The following CNTNAP2 variants were observed in gnomAD, a reference collection of about 807,000 sequenced individuals.
The protein encoded by CNTNAP2 is contactin associated protein 2.
CNTNAP2 carries 98 observed loss-of-function variants against 155.2 expected under a neutral mutation model. The ratio of observed to expected loss-of-function variants is 0.63; its 90% CI spans 0.54 to 0.75. CNTNAP2 has a LOEUF of 0.75. CNTNAP2 is among the 30% of genes least tolerant of loss of function. The probability of loss-of-function intolerance (pLI) is 0.00; values close to 1 mark genes in which losing one functional copy is unlikely to be tolerated. For missense variants in CNTNAP2, 1,727 were observed against 1,688.1 expected, an observed-to-expected ratio of 1.02 and a Z score of -0.40; for synonymous variants, 651 against 631.2, an observed-to-expected ratio of 1.03 and a Z score of -0.47.
intron 14 of CNTNAP2, among the ~76,000 whole-genome samples, chr7:147,954,383 G>A (rs1290247397): frequency 6.6e-6 from 1 of 151,950 alleles, no homozygotes; most frequent in Admixed American, 6.6e-5. Context: ...ATGTTTTTAT[G>A]TGAGTAGAAG....
At chr7:146,837,312 AATG>A (rs1033417990) in intron 2 of CNTNAP2, among the ~76,000 whole-genome samples, 86 of 152,146 alleles carry the variant, frequency 5.7e-4, no homozygotes, top group African/African-American at 1.8e-3. Flanking sequence ...ATTCTAGTAC[AATG>A]ATGTTTTCTT....
intron 1 of CNTNAP2, among the ~76,000 whole-genome samples, chr7:146,216,491 T>C (rs1562993331): frequency 6.6e-6 from 1 of 152,188 alleles, no homozygotes; most frequent in South Asian, 2.1e-4. Context: ...TGTTCCTTTT[T>C]CTTTGCACTC....
At chr7:146,450,774 CT>C (rs1563088688) in intron 1 of CNTNAP2, among the ~76,000 whole-genome samples, 1 of 151,916 alleles carries the variant, frequency 6.6e-6, no homozygotes, top group East Asian at 1.9e-4. Flanking sequence ...AATTTTTTTC[CT>C]CTTGGAAAAT....
chr7:147,558,987 T>C (rs1800006729), intron 11 of CNTNAP2, among the ~76,000 whole-genome samples: 1 of 152,116 alleles, frequency 6.6e-6, no homozygotes, highest in African/African-American at 2.4e-5. Context: ...CAGCCCACGT[T>C]GGCCTCCCAA....
In CNTNAP2 at chr7:147,089,756, G is replaced by A. The variant is rs73469078; in HGVS notation, c.551-18391G>A. Among the ~76,000 whole-genome samples the A allele has an allele frequency of 6.4e-3, 966 of 152,114 alleles. 10 individuals carry two copies. Among genetic ancestry groups the A allele is most frequent in the African/African-American group, 0.022 (917 of 41,476 alleles). ...AATAAATATTAGTTGTTTTCTGGGTGGCAAATTCATAAGCTATAAAGAAAT... is the reference window on the plus strand; with the variant it reads ...AATAAATATTAGTTGTTTTCTGGGTAGCAAATTCATAAGCTATAAAGAAAT... On this transcript the variant is annotated intron_variant, in intron 4 of 23. Transcript: ENST00000361727.
chr7:147,096,714 G>C (rs1438120547), intron 4 of CNTNAP2, among the ~76,000 whole-genome samples: 2 of 152,188 alleles, frequency 1.3e-5, no homozygotes, highest in Non-Finnish European at 1.5e-5. Context: ...AGTTGTGTAA[G>C]TACTGCTCAT....
chr7:147,924,754 C>T (rs758036681), intron 14 of CNTNAP2, among the ~76,000 whole-genome samples: 1 of 152,046 alleles, frequency 6.6e-6, no homozygotes, highest in Admixed American at 6.5e-5. Flanking sequence ...TGTCCTTGTG[C>T]AGAGTATGAG....
intron 1 of CNTNAP2, among the ~76,000 whole-genome samples, chr7:146,161,378 G>T (rs1420248769): frequency 2.0e-5 from 3 of 152,226 alleles, no homozygotes; most frequent in Non-Finnish European, 4.4e-5. Context: ...AAGAAATAAA[G>T]GGTATTCAAT....
Position 147,444,226 on chromosome 7 carries a change from G to A in CNTNAP2, c.1671-41709G>A, listed in dbSNP as rs551926458. Reference sequence around the variant, plus strand: ...AAACATAGCAGTCATTAACCTTATCGCTTTTCCAACAAAGAAAAACTGTGT... The same window carrying A: ...AAACATAGCAGTCATTAACCTTATCACTTTTCCAACAAAGAAAAACTGTGT... On this transcript the variant is annotated intron_variant, in intron 10 of 23. Coordinates refer to ENST00000361727, the MANE Select transcript of CNTNAP2 (RefSeq NM_014141.6). 1.0e-3 allele frequency among the ~76,000 whole-genome samples: 153 copies of A among 152,214 alleles called. 1 individual carries two copies. Among genetic ancestry groups the A allele is most frequent in the Non-Finnish European group, 2.0e-3 (133 of 68,006 alleles).
At chr7:147,010,587 A>G (rs1034830078) in intron 3 of CNTNAP2, among the ~76,000 whole-genome samples, 1 of 152,180 alleles carries the variant, frequency 6.6e-6, no homozygotes, top group East Asian at 1.9e-4. Context: ...GAACAATTTG[A>G]GCATCAAACT....
chr7:148,265,273 T>C (rs1796648071), intron 20 of CNTNAP2, among the ~76,000 whole-genome samples: 3 of 152,128 alleles, frequency 2.0e-5, no homozygotes, highest in Non-Finnish European at 2.9e-5. Flanking sequence ...ATAAGTGTTT[T>C]TGTTTGTTTG....
intron 11 of CNTNAP2, among the ~76,000 whole-genome samples, chr7:147,518,954 C>A (rs1029857547): frequency 2.3e-5 from 2 of 85,998 alleles, no homozygotes; most frequent in Non-Finnish European, 6.3e-5. Context: ...TCGCTTGAAC[C>A]CGGGAGGCGG....
intron 10 of CNTNAP2, among the ~76,000 whole-genome samples, chr7:147,438,524 A>T (rs1797588023): frequency 6.6e-6 from 1 of 151,160 alleles, no homozygotes; most frequent in African/African-American, 2.4e-5. Flanking sequence ...ATCAATTTTT[A>T]TGAGTGATAT....
At chr7:146,580,945 A>T (rs761824510) in intron 1 of CNTNAP2, among the ~76,000 whole-genome samples, 3 of 152,120 alleles carry the variant, frequency 2.0e-5, no homozygotes, top group Admixed American at 6.6e-5. Flanking sequence ...CACCCCAAGA[A>T]ATAAAAGGCA....
intron 8 of CNTNAP2, among the ~76,000 whole-genome samples, chr7:147,226,107 C>G (rs1803537439): frequency 6.6e-6 from 1 of 152,162 alleles, no homozygotes; most frequent in Non-Finnish European, 1.5e-5. Flanking sequence ...CAGCACTTAG[C>G]CCCTCAATGT....
chr7:147,533,858 G>T (rs1799489063), intron 11 of CNTNAP2, among the ~76,000 whole-genome samples: 1 of 152,148 alleles, frequency 6.6e-6, no homozygotes, highest in South Asian at 2.1e-4. Flanking sequence ...GACACATTAA[G>T]CATGTAATAA....
intron 1 of CNTNAP2, among the ~76,000 whole-genome samples, chr7:146,480,280 GA>G (rs1796939760): frequency 6.8e-6 from 1 of 147,498 alleles, no homozygotes; most frequent in Non-Finnish European, 1.5e-5. Context: ...GAATGGAAAT[GA>G]TTGGATGCCA....
intron 18 of CNTNAP2, among the ~76,000 whole-genome samples, chr7:148,188,785 G>A (rs1184354294): frequency 6.6e-6 from 1 of 152,114 alleles, no homozygotes; most frequent in Admixed American, 6.6e-5. Flanking sequence ...CATAGTATTA[G>A]CATATATAGC....
intron 3 of CNTNAP2, among the ~76,000 whole-genome samples, chr7:146,973,151 C>T (rs903449482): frequency 6.6e-6 from 1 of 152,130 alleles, no homozygotes; most frequent in African/African-American, 2.4e-5. Context: ...GCCTCCGCCT[C>T]CTTAGTAGCT....
Sources: allele counts gnomAD v4.1 joint callset (sites outside exome capture counted in the v4.1 genomes callset), GRCh38; gene constraint gnomAD v4.1.1; transcripts MANE v1.5; gene names NCBI Gene and HGNC (gene_info 2026-07-23, HGNC 2026-07-21).